The following LHFPL3 variants were observed in gnomAD, a reference collection of about 807,000 sequenced individuals.
LHFPL3 encodes the protein LHFPL tetraspan subfamily member 3 protein.
Under a neutral mutation model 19.3 loss-of-function variants are expected in LHFPL3, and 5 were observed. The observed-to-expected ratio is 0.26, with a 90% CI of 0.14 to 0.54. The LOEUF (loss-of-function observed/expected upper bound fraction) is 0.54, where lower values mean the gene tolerates loss of function less well. Among genes scored for constraint, LHFPL3 ranks in the 20% least tolerant of loss-of-function variants. The pLI, the probability that LHFPL3 is intolerant of heterozygous loss-of-function variation, is 0.94. For synonymous variants in LHFPL3, 133 were observed against 126.2 expected, an observed-to-expected ratio of 1.05 and a Z score of -0.36; for missense variants, 249 against 307.4, an observed-to-expected ratio of 0.81 and a Z score of 1.42.
At position 104,812,260 on chromosome 7, in the gene LHFPL3, C is replaced by T. The variant is rs138657494; in HGVS notation, c.682+75349C>T. On this transcript the variant is annotated intron_variant, in intron 2 of 2. Coordinates refer to ENST00000424859, the MANE Select transcript of LHFPL3 (RefSeq NM_199000.3). ...AGAGAGCCAGCAGCTGCTGAGAAAA[C>T]GATGAGCTCAAAGAGAAAAGAGCAA... Among the ~76,000 whole-genome samples the T allele has an allele frequency of 6.2e-3, 943 of 152,336 alleles. 15 individuals are homozygous for T. The highest frequency in any genetic ancestry group is 0.03 in the South Asian group (145 of 4,826).
chr7:104,430,381 T>TACATATATATATATATATATAC lies in LHFPL3; in HGVS notation c.445+101178_445+101179insCACATATATATATATATATATA. ...TTGCATTTCTGTGGGTATATATATA[T>TACATATATATATATATATATAC]ACATATATATATATATATATATACA... On this transcript the variant is annotated intron_variant, in intron 1 of 2. Transcript: ENST00000424859. Among the ~76,000 whole-genome samples, 2 of 56,328 alleles carry TACATATATATATATATATATAC rather than the reference T, an allele frequency of 3.6e-5. 1 individual carries two copies. Among genetic ancestry groups the TACATATATATATATATATATAC allele is most frequent in the Non-Finnish European group, 6.8e-5 (2 of 29,286 alleles). 37.0% of individuals were successfully genotyped at this position (56,328 alleles called of 152,430 possible).
In LHFPL3 at chr7:104,781,593, C is replaced by A. The variant is rs117015627; in HGVS notation, c.682+44682C>A. ...TGTAAAATAAAAACCTTTTCTCAAC[C>A]TGCATCTACCCTCTTTCTTCATCAT... On this transcript the variant is annotated intron_variant, in intron 2 of 2. Transcript: ENST00000424859. Among the ~76,000 whole-genome samples, 404 of 152,234 alleles carry A rather than the reference C, an allele frequency of 2.7e-3. 21 individuals are homozygous for A. In the East Asian group the frequency reaches 0.066, roughly 25 times the overall value.
At chr7:104,891,240 T>C (rs1792236556) in intron 2 of LHFPL3, among the ~76,000 whole-genome samples, 1 of 152,098 alleles carries the variant, frequency 6.6e-6, no homozygotes, top group South Asian at 2.1e-4. Context: ...TCACAGCAGA[T>C]TCAGAGAGAC....
At chr7:104,611,960 C>T (rs1471002028) in intron 1 of LHFPL3, among the ~76,000 whole-genome samples, 4 of 152,176 alleles carry the variant, frequency 2.6e-5, no homozygotes, top group Non-Finnish European at 4.4e-5. Context: ...GTAACTCATA[C>T]AGCTTCCAAT....
chr7:104,564,069 A>G (rs1026080216), intron 1 of LHFPL3, among the ~76,000 whole-genome samples: 1 of 152,216 alleles, frequency 6.6e-6, no homozygotes, highest in Non-Finnish European at 1.5e-5. Flanking sequence ...GATCCTCTCA[A>G]CAATCCTATG....
At chr7:104,591,153 A>G (rs1209826164) in intron 1 of LHFPL3, among the ~76,000 whole-genome samples, 3 of 152,122 alleles carry the variant, frequency 2.0e-5, no homozygotes, top group African/African-American at 7.2e-5. Context: ...TGATCCTGTC[A>G]TTGTGACGTT....
intron 1 of LHFPL3, among the ~76,000 whole-genome samples, chr7:104,684,502 G>A (rs1178484621): frequency 6.6e-6 from 1 of 152,226 alleles, no homozygotes; most frequent in African/African-American, 2.4e-5. Flanking sequence ...TGTGAACACT[G>A]AAATTTGAAT....
chr7:104,330,689 T>C (rs1212843780), intron 1 of LHFPL3, among the ~76,000 whole-genome samples: 2 of 152,184 alleles, frequency 1.3e-5, no homozygotes, highest in African/African-American at 4.8e-5. Flanking sequence ...TACCATTATC[T>C]CCTGAACGGG....
intron 1 of LHFPL3, among the ~76,000 whole-genome samples, chr7:104,345,396 GT>G (rs1289983068): frequency 6.6e-6 from 1 of 151,944 alleles, no homozygotes; most frequent in Non-Finnish European, 1.5e-5. Flanking sequence ...TTTTCTTTGG[GT>G]TTAGTCTCTT....
chr7:104,725,692 A>G (rs1420487355), intron 1 of LHFPL3, among the ~76,000 whole-genome samples: 1 of 152,178 alleles, frequency 6.6e-6, no homozygotes, highest in Non-Finnish European at 1.5e-5. Flanking sequence ...CTGACTAGTG[A>G]CTGCTGGGAG....
chr7:104,665,252 A>G (rs1329792290), intron 1 of LHFPL3, among the ~76,000 whole-genome samples: 1 of 152,234 alleles, frequency 6.6e-6, no homozygotes, highest in African/African-American at 2.4e-5. Flanking sequence ...TAGTTTGTGT[A>G]TCTATAATTA....
At chr7:104,445,525 A>G (rs2116590096) in intron 1 of LHFPL3, among the ~76,000 whole-genome samples, 1 of 152,344 alleles carries the variant, frequency 6.6e-6, no homozygotes, top group Middle Eastern at 3.4e-3. Flanking sequence ...ATAAACTTTT[A>G]TCATCTATTA....
chr7:104,338,087 CTTTTTCT>C (rs1789866334), intron 1 of LHFPL3, among the ~76,000 whole-genome samples: 1 of 116,160 alleles, frequency 8.6e-6, no homozygotes, highest in Non-Finnish European at 1.8e-5. Context: ...CTTTATTTTC[CTTTTTCT>C]TTTTTTTTTT....
intron 1 of LHFPL3, among the ~76,000 whole-genome samples, chr7:104,377,934 TA>T (rs1330821089): frequency 1.3e-5 from 2 of 152,188 alleles, no homozygotes; most frequent in African/African-American, 4.8e-5. Context: ...CTCGTGAAAA[TA>T]AAATGGATGC....
intron 1 of LHFPL3, among the ~76,000 whole-genome samples, chr7:104,730,692 G>A (rs1012810699): frequency 6.6e-6 from 1 of 152,162 alleles, no homozygotes; most frequent in Admixed American, 6.5e-5. Context: ...CCATTCTGAA[G>A]GTTGCCTGTT....
At chr7:104,468,273 A>C (rs1792832910) in intron 1 of LHFPL3, among the ~76,000 whole-genome samples, 1 of 152,184 alleles carries the variant, frequency 6.6e-6, no homozygotes, top group Non-Finnish European at 1.5e-5. Context: ...TAGCCAACCA[A>C]AACTCGTATG....
At chr7:104,521,531 G>A (rs1431559602) in intron 1 of LHFPL3, among the ~76,000 whole-genome samples, 39 of 152,002 alleles carry the variant, frequency 2.6e-4, no homozygotes, top group South Asian at 1.2e-3. Flanking sequence ...AGACAAAATT[G>A]ACAAATGGGA....
intron 1 of LHFPL3, among the ~76,000 whole-genome samples, chr7:104,355,459 A>G (rs925243405): frequency 6.6e-6 from 1 of 152,232 alleles, no homozygotes; most frequent in Admixed American, 6.5e-5. Context: ...ACACTCTGCT[A>G]CAGCCAGAGT....
intron 2 of LHFPL3, among the ~76,000 whole-genome samples, chr7:104,888,063 G>A (rs1190146450): frequency 1.3e-5 from 2 of 152,178 alleles, no homozygotes; most frequent in Non-Finnish European, 2.9e-5. Flanking sequence ...CCTTCACAGA[G>A]CCACTGTGTC....
Sources: gnomAD v4.1 joint callset for allele counts (sites outside exome capture counted in the v4.1 genomes callset) on GRCh38, gnomAD v4.1.1 for gene constraint, MANE v1.5 for transcripts, NCBI Gene and HGNC (gene_info 2026-07-23, HGNC 2026-07-21) for gene names.